TF: variants seen among roughly 807,000 people sequenced by gnomAD.
The protein encoded by TF is transferrin, also known as serotransferrin.
Under a neutral mutation model 82.4 loss-of-function variants are expected in TF, and 55 were observed. The ratio of observed to expected loss-of-function variants is 0.67; its 90% confidence interval spans 0.54 to 0.84. The LOEUF (loss-of-function observed/expected upper bound fraction) is 0.84, where lower values mean the gene tolerates loss of function less well. Among genes scored for constraint, TF ranks in the 40% least tolerant of loss-of-function variants. TF has a pLI of 0.00. For synonymous variants in TF, 332 were observed against 332.6 expected, an observed-to-expected ratio of 1.00 and a Z score of 0.02; for missense variants, 737 against 868.4, an observed-to-expected ratio of 0.85 and a Z score of 1.90.
At chr3:133,719,914 G>A in the TF span, among the ~76,000 whole-genome samples, 1 of 151,862 alleles carries the variant, frequency 6.6e-6, no homozygotes, top group East Asian at 1.9e-4. Flanking sequence ...TTTATTATTA[G>A]CGTATGAAAA....
chr3:133,695,224 C>T, the TF span, among the ~76,000 whole-genome samples: 1 of 150,504 alleles, frequency 6.6e-6, no homozygotes, highest in African/African-American at 2.4e-5. Context: ...GTGGACCCCA[C>T]CCTAGCCAGA....
chr3:133,751,724 G>T (rs1270298400), intron 2 of TF, among the ~76,000 whole-genome samples: 3 of 152,262 alleles, frequency 2.0e-5, no homozygotes, highest in Admixed American at 2.0e-4. Context: ...GGGTGCGGTG[G>T]CTCACGCCTG....
At position 133,792,481 on chromosome 3, in the gene TF, G is replaced by GTGGAGTCAGATGC. The variant is rs1387757531; in HGVS notation, c.*13872_*13884dup. 1.3e-5 allele frequency: 2 copies of GTGGAGTCAGATGC among 152,160 alleles called. No homozygotes were observed. The highest frequency in any genetic ancestry group is 2.9e-5 in the Non-Finnish European group (2 of 68,038). 9.4% of individuals were successfully genotyped at this position (152,160 alleles called of 1,614,324 possible). On this transcript the variant is annotated 3_prime_UTR_variant, in exon 17 of 17. Transcript: ENST00000402696. ...TACAGCTCGGTAAGGCCTGAGACAC[G>GTGGAGTCAGATGC]TGGAGTCAGATGCTGGAGTCAGACC...
chr3:133,729,739 C>T, the TF span, among the ~76,000 whole-genome samples: 6 of 152,126 alleles, frequency 3.9e-5, no homozygotes, highest in East Asian at 1.9e-4. Flanking sequence ...AGAAATCACC[C>T]GTCTTCTGCA....
upstream of TF, among the ~76,000 whole-genome samples, chr3:133,742,117 G>A (rs1288837710): frequency 5.3e-5 from 8 of 152,094 alleles, no homozygotes; most frequent in South Asian, 2.1e-4. Context: ...TTGGGTAGCT[G>A]GCACTACAGG....
At chr3:133,749,089 A>C (rs1441621050) in intron 2 of TF, among the ~76,000 whole-genome samples, 2 of 152,140 alleles carry the variant, frequency 1.3e-5, no homozygotes, top group Non-Finnish European at 2.9e-5. Context: ...TGAACCGGGG[A>C]GGCAGAGGTT....
In TF at chr3:133,759,244, A is replaced by G; in HGVS notation, c.1118A>G (p.Lys373Arg). The change falls in exon 9 of 17, where the codon AAG becomes AGG. Residue 373 changes from lysine (K) to arginine (R), a missense_variant. Lys to Arg is a conservative substitution (Grantham distance 26). Coordinates refer to ENST00000402696, the MANE Select transcript of TF (RefSeq NM_001063.4). ...GCGCTGAGCCACCACGAGAGGCTCA[A>G]GTGTGATGAGTGGAGTGTTAACAGT... ...WCALSHHERL[K>R]CDEWSVNSVG... is the part of the protein sequence containing the mutation. 3.7e-6 allele frequency: 6 copies of G among 1,614,138 alleles called. No individual in the cohort carries two copies. The highest frequency in any genetic ancestry group is 1.7e-6 in the Non-Finnish European group (2 of 1,180,024).
intron 14 of TF, chr3:133,770,885 A>C: frequency 2.3e-6 from 1 of 436,246 alleles, no homozygotes; most frequent in Non-Finnish European, 4.2e-6. Context: ...TACCCACAGT[A>C]TGATTACCAA....
the TF span, among the ~76,000 whole-genome samples, chr3:133,671,839 A>G: frequency 6.6e-6 from 1 of 151,784 alleles, no homozygotes; most frequent in Non-Finnish European, 1.5e-5. Flanking sequence ...GAAGAAGGAA[A>G]GAAAGAATAA....
chr3:133,788,192 T>C lies in TF; in HGVS notation c.*9572T>C, dbSNP rs981744009. The C allele has an allele frequency of 6.6e-6, 1 of 152,406 alleles. No homozygotes were observed. Among genetic ancestry groups the C allele is most frequent in the Non-Finnish European group, 1.5e-5 (1 of 68,064 alleles). 9.4% of individuals were successfully genotyped at this position (152,406 alleles called of 1,614,324 possible). ...AACACATCAGCTATGACAGGACATA[T>C]ACTCTCCAACAGAGTAAATGACTTT... On this transcript the variant is annotated 3_prime_UTR_variant, in exon 17 of 17. Transcript: ENST00000402696.
chr3:133,662,793 TCA>T, the TF span, among the ~76,000 whole-genome samples: 2 of 152,358 alleles, frequency 1.3e-5, no homozygotes, highest in African/African-American at 4.8e-5. Context: ...CTAATGAGGA[TCA>T]TTTTATTATT....
the TF span, among the ~76,000 whole-genome samples, chr3:133,729,675 C>T: frequency 6.6e-6 from 1 of 152,130 alleles, no homozygotes; most frequent in Non-Finnish European, 1.5e-5. Context: ...GTGTCCTGCA[C>T]CCACTGTCTG....
At chr3:133,763,476 G>C (rs537767343) in intron 9 of TF, among the ~76,000 whole-genome samples, 1 of 152,302 alleles carries the variant, frequency 6.6e-6, no homozygotes, top group Non-Finnish European at 1.5e-5. Flanking sequence ...CTGTCATTGA[G>C]CATTTAGTTT....
rs1559884865 is a variant in TF at position 133,789,878 on chromosome 3, C to CATTTTTTTTTTTT, written c.*11258_*11259insATTTTTTTTTTTT. Reference sequence around the variant, plus strand: ...AGCCAAAACAAAACGATCTCGTTTGCGTTTTTTTTTTTTTTTTTTTTTTTT... The same window carrying CATTTTTTTTTTTT: ...AGCCAAAACAAAACGATCTCGTTTGCATTTTTTTTTTTTGTTTTTTTTTTTTTTTTTTTTTTTT... On this transcript the variant is annotated 3_prime_UTR_variant, in exon 17 of 17. Coordinates refer to ENST00000402696, the MANE Select transcript of TF (RefSeq NM_001063.4). 1 of 52,408 alleles carries CATTTTTTTTTTTT rather than the reference C, an allele frequency of 1.9e-5. No individual in the cohort carries two copies. The allele number at this position is 52,408 out of a possible 1,614,324, so 3.2% of individuals were successfully genotyped here.
chr3:133,743,348 G>T (rs1207119456), upstream of TF, among the ~76,000 whole-genome samples: 4 of 152,144 alleles, frequency 2.6e-5, no homozygotes, highest in Non-Finnish European at 5.9e-5. Flanking sequence ...ACCTCTCCCA[G>T]ACTGACCAGC....
At chr3:133,736,650 A>AAAAAAAAAACAG in the TF span, among the ~76,000 whole-genome samples, 1 of 149,504 alleles carries the variant, frequency 6.7e-6, no homozygotes, top group Non-Finnish European at 1.5e-5. Context: ...AAAAAAAAAA[A>AAAAAAAAAACAG]AGCAGGGGTT....
the TF span, among the ~76,000 whole-genome samples, chr3:133,710,969 A>G: frequency 6.6e-6 from 1 of 152,182 alleles, no homozygotes; most frequent in Non-Finnish European, 1.5e-5. Context: ...AGTGGCCTCC[A>G]TACTGCTCAG....
chr3:133,766,579 C>A, intron 12 of TF, 146 bp downstream of exon 12: 1 of 1,119,794 alleles, frequency 8.9e-7, no homozygotes, highest in Non-Finnish European at 1.3e-6. Context: ...AATTTGCTGT[C>A]CTCAAGGACA....
At chr3:133,690,123 CA>C in the TF span, among the ~76,000 whole-genome samples, 1 of 151,274 alleles carries the variant, frequency 6.6e-6, no homozygotes, top group Non-Finnish European at 1.5e-5. Flanking sequence ...AGATAAATTA[CA>C]AAAGTAGACA....
Sources: allele counts gnomAD v4.1 joint callset (sites outside exome capture counted in the v4.1 genomes callset), GRCh38; gene constraint gnomAD v4.1.1; transcripts MANE v1.5; gene names NCBI Gene and HGNC (gene_info 2026-07-23, HGNC 2026-07-21).